Variants in LMNB1 observed in about 807,000 individuals in gnomAD.
The protein encoded by LMNB1 is lamin-B1.
LMNB1 carries 23 observed loss-of-function variants against 67.1 expected under a neutral mutation model. The observed-to-expected ratio is 0.34, with a 90% confidence interval of 0.25 to 0.49. The LOEUF is 0.49. Among genes scored for constraint, LMNB1 ranks in the 20% least tolerant of loss-of-function variants. The pLI is 0.99. For missense variants in LMNB1, 634 were observed against 746.5 expected (o/e 0.85, Z 1.76); for synonymous variants, 281 against 282.9 (o/e 0.99, Z 0.07).
At chr5:126,825,428 C>T (rs917430690) in intron 8 of LMNB1, among the ~76,000 whole-genome samples, 5 of 152,122 alleles carry the variant, frequency 3.3e-5, no homozygotes, top group African/African-American at 1.2e-4. Flanking sequence ...TGTTTGGAGA[C>T]GTACCAGTTT....
intron 5 of LMNB1, among the ~76,000 whole-genome samples, chr5:126,812,465 A>T (rs370664509): frequency 2.0e-5 from 3 of 152,276 alleles, no homozygotes; most frequent in African/African-American, 7.2e-5. Flanking sequence ...GGCTGTGTTG[A>T]CTGGCTGCCT....
intron 1 of LMNB1, among the ~76,000 whole-genome samples, chr5:126,796,522 A>AAT (rs1751098396): frequency 2.0e-5 from 3 of 152,192 alleles, no homozygotes; most frequent in Admixed American, 2.0e-4. Context: ...AGCATGATTA[A>AAT]AGCAGCAGAG....
intron 1 of LMNB1, among the ~76,000 whole-genome samples, chr5:126,799,143 C>G (rs930574819): frequency 7.9e-5 from 12 of 151,944 alleles, no homozygotes; most frequent in African/African-American, 2.4e-4. Flanking sequence ...CTCAGCCTCC[C>G]GAGTAGCTGG....
At chr5:126,781,162 G>C (rs1580521227) in intron 1 of LMNB1, among the ~76,000 whole-genome samples, 2 of 152,124 alleles carry the variant, frequency 1.3e-5, no homozygotes, top group African/African-American at 4.8e-5. Context: ...GGTAGTGGAC[G>C]CCTGCAATCC....
At chr5:126,790,006 T>G (rs1465831552) in intron 1 of LMNB1, among the ~76,000 whole-genome samples, 2 of 151,836 alleles carry the variant, frequency 1.3e-5, no homozygotes, top group African/African-American at 2.4e-5. Context: ...TGAGGTTTCT[T>G]CATGTTAGGC....
intron 9 of LMNB1, among the ~76,000 whole-genome samples, chr5:126,831,919 T>C (rs1416861606): frequency 6.6e-6 from 1 of 152,180 alleles, no homozygotes; most frequent in African/African-American, 2.4e-5. Context: ...AATTTCAGTT[T>C]AGTAACCAGA....
At chr5:126,835,814 C>A (rs576289874) in intron 10 of LMNB1, among the ~76,000 whole-genome samples, 2 of 152,150 alleles carry the variant, frequency 1.3e-5, no homozygotes, top group African/African-American at 4.8e-5. Flanking sequence ...AGGCCAGATA[C>A]GGTGGCTCAC....
chr5:126,825,692 A>G (rs1246345175), intron 8 of LMNB1, among the ~76,000 whole-genome samples: 1 of 152,180 alleles, frequency 6.6e-6, no homozygotes, highest in Admixed American at 6.5e-5. Flanking sequence ...TTTATGGATG[A>G]CTAAAGTAAG....
intron 1 of LMNB1, 70 bp downstream of exon 1, chr5:126,777,937 C>A: frequency 8.9e-6 from 12 of 1,351,692 alleles, no homozygotes; most frequent in Non-Finnish European, 1.1e-5. Context: ...ACCAGCTCAC[C>A]GGGTTCTGCC....
chr5:126,779,347 A>G (rs1750565111), intron 1 of LMNB1, among the ~76,000 whole-genome samples: 1 of 152,248 alleles, frequency 6.6e-6, no homozygotes, highest in African/African-American at 2.4e-5. Flanking sequence ...CAACTCGAAA[A>G]TAATACTAAG....
chr5:126,787,546 A>ATATATATATTTTTTTTT, intron 1 of LMNB1, among the ~76,000 whole-genome samples: 6 of 65,568 alleles, frequency 9.2e-5, no homozygotes, highest in African/African-American at 2.6e-4. Flanking sequence ...ATATATATAT[A>ATATATATATTTTTTTTT]TTTTTTTTTT....
intron 10 of LMNB1, among the ~76,000 whole-genome samples, chr5:126,834,493 C>T (rs978293703): frequency 6.6e-6 from 1 of 152,132 alleles, no homozygotes; most frequent in Non-Finnish European, 1.5e-5. Flanking sequence ...AGTCATGAGG[C>T]CAGTCCAGAT....
chr5:126,813,507 C>T (rs1360332539), intron 5 of LMNB1, among the ~76,000 whole-genome samples: 3 of 152,188 alleles, frequency 2.0e-5, no homozygotes, highest in African/African-American at 7.2e-5. Context: ...CACCATCTGT[C>T]TTAGTCCTTT....
chr5:126,807,569 C>T (rs182738530), intron 3 of LMNB1, among the ~76,000 whole-genome samples: 4 of 152,270 alleles, frequency 2.6e-5, no homozygotes, highest in Admixed American at 6.5e-5. Context: ...GTAGCAAGTG[C>T]TGTCATATAA....
chr5:126,811,907 T>A lies in LMNB1; in HGVS notation c.939+9T>A. 1 of 1,604,118 alleles carries A rather than the reference T, an allele frequency of 6.2e-7. No individual in the cohort carries two copies. The highest frequency in any genetic ancestry group is 8.5e-7 in the Non-Finnish European group (1 of 1,172,034). On this transcript the variant is annotated intron_variant, in intron 5 of 10. Transcript: ENST00000261366. Reference sequence around the variant, plus strand: ...CTAATCTACAGAAAGAGGTAAATAATCATCTTTCTGTAAGAAGTTAGACTT... The same window carrying A: ...CTAATCTACAGAAAGAGGTAAATAAACATCTTTCTGTAAGAAGTTAGACTT...
In LMNB1 at chr5:126,836,341, C is replaced by A; in HGVS notation, c.*77C>A. Reference sequence around the variant, plus strand: ...ATACAGTGCAGAGCCTTCTCAGAAGCACAGAATATTTTTATATTTCCTTTA... The same window carrying A: ...ATACAGTGCAGAGCCTTCTCAGAAGAACAGAATATTTTTATATTTCCTTTA... On this transcript the variant is annotated 3_prime_UTR_variant, in exon 11 of 11. Coordinates refer to ENST00000261366, the MANE Select transcript of LMNB1 (RefSeq NM_005573.4). 3 of 904,264 alleles carry A rather than the reference C, an allele frequency of 3.3e-6. No homozygotes were observed. The highest frequency in any genetic ancestry group is 3.4e-6 in the Non-Finnish European group (2 of 586,794). The allele number at this position is 904,264 out of a possible 1,614,324, so 56.0% of individuals were successfully genotyped here.
intron 1 of LMNB1, among the ~76,000 whole-genome samples, chr5:126,802,010 GT>G (rs1187885496): frequency 2.6e-5 from 4 of 152,230 alleles, no homozygotes; most frequent in African/African-American, 4.8e-5. Context: ...ACAAGTGTCA[GT>G]TCATTCCTGT....
At chr5:126,834,089 G>A (rs1446061995) in intron 10 of LMNB1, among the ~76,000 whole-genome samples, 3 of 152,202 alleles carry the variant, frequency 2.0e-5, no homozygotes, top group Non-Finnish European at 2.9e-5. Context: ...GGTTGGCCTC[G>A]GCTGGAATAT....
chr5:126,821,168 G>T (rs1213161380), intron 7 of LMNB1, 33 bp downstream of exon 7: 1 of 1,415,652 alleles, frequency 7.1e-7, no homozygotes, highest in East Asian at 2.3e-5. Context: ...TTCTAGCAAG[G>T]CTTTGTGGAT....
Sources: allele counts gnomAD v4.1 joint callset (sites outside exome capture counted in the v4.1 genomes callset), GRCh38; gene constraint gnomAD v4.1.1; transcripts MANE v1.5; gene names NCBI Gene and HGNC (gene_info 2026-07-23, HGNC 2026-07-21).